The following ITPR2 variants were observed in gnomAD, a reference collection of about 807,000 sequenced individuals.
ITPR2 encodes inositol 1,4,5-trisphosphate receptor type 2, also known as inositol 1,4,5-trisphosphate-gated calcium channel ITPR2.
ITPR2 carries 207 observed loss-of-function variants against 317.1 expected under a neutral mutation model. The ratio of observed to expected loss-of-function variants is 0.65; its 90% CI spans 0.58 to 0.73. ITPR2 has a LOEUF of 0.73. Among genes scored for constraint, ITPR2 ranks in the 30% least tolerant of loss-of-function variants. ITPR2 has a pLI of 0.00. For synonymous variants in ITPR2, 1,156 were observed against 1,149.1 expected, an observed-to-expected ratio of 1.01 and a Z score of -0.12; for missense variants, 2,613 against 3,284.0, an observed-to-expected ratio of 0.80 and a Z score of 4.99.
chr12:26,785,388 AG>A (rs1477135832), intron 2 of ITPR2, among the ~76,000 whole-genome samples: 36 of 48,584 alleles, frequency 7.4e-4, no homozygotes, highest in African/African-American at 1.8e-3. Context: ...GGAAGTGAGG[AG>A]CCCCTCTGCC....
intron 1 of ITPR2, among the ~76,000 whole-genome samples, chr12:26,830,609 G>C (rs1951085290): frequency 6.6e-6 from 1 of 152,162 alleles, no homozygotes; most frequent in South Asian, 2.1e-4. Context: ...CTCCACAACT[G>C]TCAAACTTGT....
At chr12:26,511,066 CT>C (rs1943334190) in intron 37 of ITPR2, among the ~76,000 whole-genome samples, 1 of 152,212 alleles carries the variant, frequency 6.6e-6, no homozygotes, top group Admixed American at 6.5e-5. Flanking sequence ...ATCATCTTGA[CT>C]TCCCCAAATT....
intron 37 of ITPR2, among the ~76,000 whole-genome samples, chr12:26,527,879 C>T (rs1943848227): frequency 6.6e-6 from 1 of 152,132 alleles, no homozygotes; most frequent in South Asian, 2.1e-4. Flanking sequence ...CCTCATGTGC[C>T]CCAGGTGGAG....
At chr12:26,578,619 T>G in intron 34 of ITPR2, 94 bp downstream of exon 34, 1 of 1,127,224 alleles carries the variant, frequency 8.9e-7, no homozygotes. Flanking sequence ...TTTTCTTAAG[T>G]TGTAAATTGG....
chr12:26,471,099 A>G (rs1039191296), intron 45 of ITPR2, among the ~76,000 whole-genome samples: 18 of 152,188 alleles, frequency 1.2e-4, no homozygotes, highest in African/African-American at 4.1e-4. Context: ...TTGCCTTATG[A>G]TCCAGGAGTT....
intron 1 of ITPR2, among the ~76,000 whole-genome samples, chr12:26,790,655 A>C (rs1180540172): frequency 6.6e-6 from 1 of 152,008 alleles, no homozygotes; most frequent in African/African-American, 2.4e-5. Context: ...GAACACAGCA[A>C]AACATTAAGA....
chr12:26,568,022 A>AT (rs1555157845), intron 34 of ITPR2, among the ~76,000 whole-genome samples: 8 of 122,978 alleles, frequency 6.5e-5, no homozygotes, highest in South Asian at 2.4e-4. Flanking sequence ...ATATATATAT[A>AT]TATATATATA....
chr12:26,668,564 A>G (rs1248894593), intron 13 of ITPR2, among the ~76,000 whole-genome samples: 1 of 152,180 alleles, frequency 6.6e-6, no homozygotes, highest in Non-Finnish European at 1.5e-5. Context: ...AAAATCTCCC[A>G]CCTAAGAAAA....
chr12:26,507,989 A>T (rs886701088), intron 37 of ITPR2, among the ~76,000 whole-genome samples: 22 of 152,054 alleles, frequency 1.4e-4, no homozygotes, highest in African/African-American at 5.3e-4. Flanking sequence ...TCTTTGAAGT[A>T]TGAAGATTCT....
At chr12:26,373,957 T>C (rs990293628) in intron 55 of ITPR2, among the ~76,000 whole-genome samples, 2 of 152,190 alleles carry the variant, frequency 1.3e-5, no homozygotes, top group East Asian at 3.8e-4. Context: ...AGGGTAAGGA[T>C]AGAAGTAAAC....
In ITPR2 at chr12:26,596,932, G is replaced by A. The variant is rs781558920; in HGVS notation, c.4205C>T (p.Pro1402Leu). 18 of 1,596,194 alleles carry A rather than the reference G, an allele frequency of 1.1e-5. No individual in the cohort carries two copies. The highest frequency in any genetic ancestry group is 6.7e-5 in the East Asian group (3 of 44,658). The stretch of plus-strand genomic sequence containing the variant: ...CACCACCCTCACTATGTCGTCCAGC[G>A]GGAGAAGGGAATTACACTTGATTTC... ...YTEIKCNSLL[P>L]LDDIVRVVTH... Residue 1402 changes from proline (P) to leucine (L), a missense_variant, in exon 31 of 57, where the codon CCG becomes CTG. Pro to Leu is a moderately conservative substitution (Grantham distance 98). Coordinates refer to ENST00000381340, the MANE Select transcript of ITPR2 (RefSeq NM_002223.4).
rs760153936 is a variant in ITPR2, at chr12:26,657,823, T to G, written c.2076A>C (p.Glu692Asp). 8.1e-6 allele frequency: 13 copies of G among 1,613,882 alleles called. No individual in the cohort carries two copies. Among genetic ancestry groups the G allele is most frequent in the Non-Finnish European group, 1.1e-5 (13 of 1,179,950 alleles). ...TGCTGTCAATCCAATAGAGCCAAAC[T>G]TCTTCATCATCAATGTCATCTGAAA... ...SILSDDIDDEEVWLYWIDSNK... is the reference protein window; with the variant it reads ...SILSDDIDDEDVWLYWIDSNK... Residue 692 changes from glutamate to aspartate, a missense_variant, in exon 18 of 57, where the codon GAA becomes GAC. By Grantham distance (45) the Glu-to-Asp change is conservative. Around this residue, in one of 9 missense-constraint regions of ITPR2, gnomAD observed 817 missense variants for 897.6 expected, o/e 0.91. Transcript: ENST00000381340.
intron 37 of ITPR2, among the ~76,000 whole-genome samples, chr12:26,512,477 C>A (rs1042404912): frequency 4.6e-5 from 7 of 152,222 alleles, no homozygotes; most frequent in Non-Finnish European, 1.0e-4. Flanking sequence ...ACCCACCCCC[C>A]ACATGTAAAT....
intron 32 of ITPR2, among the ~76,000 whole-genome samples, chr12:26,581,425 A>G (rs969700161): frequency 2.6e-5 from 4 of 152,184 alleles, no homozygotes; most frequent in African/African-American, 9.6e-5. Context: ...TTTTTAGGGT[A>G]TCTAATTTCA....
intron 41 of ITPR2, among the ~76,000 whole-genome samples, chr12:26,485,796 C>CA (rs1036014700): frequency 6.6e-6 from 1 of 152,160 alleles, no homozygotes; most frequent in Non-Finnish European, 1.5e-5. Flanking sequence ...TGATCTCTCT[C>CA]AACAATATAA....
At chr12:26,631,477 T>C (rs1946750373) in intron 22 of ITPR2, among the ~76,000 whole-genome samples, 1 of 152,238 alleles carries the variant, frequency 6.6e-6, no homozygotes, top group South Asian at 2.1e-4. Flanking sequence ...TGGAATCACA[T>C]GTTCAATTCA....
chr12:26,493,233 A>T (rs1265869194), intron 39 of ITPR2, among the ~76,000 whole-genome samples: 3 of 152,174 alleles, frequency 2.0e-5, no homozygotes. Flanking sequence ...CTTTACTCCT[A>T]AAGCCACTGT....
intron 2 of ITPR2, among the ~76,000 whole-genome samples, chr12:26,757,493 G>A (rs570156094): frequency 5.9e-5 from 9 of 152,272 alleles, no homozygotes; most frequent in African/African-American, 1.7e-4. Context: ...TAGGATTACA[G>A]GCATGAGCCA....
chr12:26,379,595 T>A (rs768121101), intron 55 of ITPR2, among the ~76,000 whole-genome samples: 5 of 151,980 alleles, frequency 3.3e-5, no homozygotes, highest in Non-Finnish European at 7.4e-5. Context: ...AAATACGCCC[T>A]CCCCCTATAC....
Sources: allele counts gnomAD v4.1 joint callset (sites outside exome capture counted in the v4.1 genomes callset), GRCh38; gene constraint gnomAD v4.1.1; regional missense constraint gnomAD v4.1.1; transcripts MANE v1.5; gene names NCBI Gene and HGNC (gene_info 2026-07-23, HGNC 2026-07-21).